The following GANAB variants were observed in gnomAD, a reference collection of about 807,000 sequenced individuals.
The protein encoded by GANAB is glucosidase II alpha subunit.
GANAB carries 35 observed loss-of-function variants against 129.9 expected under a neutral mutation model. The ratio of observed to expected loss-of-function variants is 0.27; its 90% CI spans 0.21 to 0.36. The LOEUF is 0.36. GANAB is among the 10% of genes least tolerant of loss of function. The pLI is 1.00. For synonymous variants in GANAB, 482 were observed against 451.8 expected (o/e 1.07, Z -0.85); for missense variants, 939 against 1,221.0 (o/e 0.77, Z 3.44).
At chr11:62,626,834 C>T (rs1430745713) in intron 20 of GANAB, 26 bp downstream of exon 20, 4 of 1,558,616 alleles carry the variant, frequency 2.6e-6, no homozygotes, top group Admixed American at 1.7e-5. Context: ...GGAGATGGAA[C>T]CGGCAGCCAG....
rs1029438243 is a variant in GANAB at position 62,632,914 on chromosome 11, G to A, written c.815+91C>T. 9 of 997,172 alleles carry A rather than the reference G, an allele frequency of 9.0e-6. No homozygotes were observed. In the Admixed American group the frequency reaches 1.4e-4, roughly 15 times the overall value. The allele number at this position is 997,172 out of a possible 1,614,324, so 61.8% of individuals were successfully genotyped here. On this transcript the variant is annotated intron_variant, in intron 8 of 23. Transcript: ENST00000356638. ...TGGACACAAGAAATGACCCATGCTT[G>A]CCTAGAGTATCCAATATGCACACCC...
At chr11:62,638,391 A>T (rs1442474014) in intron 4 of GANAB, among the ~76,000 whole-genome samples, 1 of 152,092 alleles carries the variant, frequency 6.6e-6, no homozygotes. Context: ...TGACCTCGTG[A>T]TCTGCCCACC....
chr11:62,631,308 A>G, intron 9 of GANAB, 125 bp from the exon 10 acceptor site: 1 of 805,750 alleles, frequency 1.2e-6, no homozygotes, highest in East Asian at 2.5e-5. Context: ...GCTTTCGGTA[A>G]GACTAAACGG....
At chr11:62,645,472 C>T (rs11231172) in intron 1 of GANAB, among the ~76,000 whole-genome samples, 33,056 of 149,806 alleles carry the variant, frequency 0.22, 4,154 homozygotes, top group Non-Finnish European at 0.3. Flanking sequence ...GGAGGCGGAG[C>T]TTGCAGTGAG....
chr11:62,642,031 G>C (rs1371850163), intron 1 of GANAB, among the ~76,000 whole-genome samples: 3 of 151,750 alleles, frequency 2.0e-5, no homozygotes, highest in Non-Finnish European at 2.9e-5. Flanking sequence ...GGCCAATATG[G>C]TGAAACCCCA....
chr11:62,630,995 A>C lies in GANAB; in HGVS notation c.1150+35T>G, dbSNP rs200612350. 130 of 1,581,310 alleles carry C rather than the reference A, an allele frequency of 8.2e-5. No homozygotes were observed. The East Asian group carries it at 2.9e-3, about 35-fold the overall frequency. On this transcript the variant is annotated intron_variant, in intron 10 of 23. Transcript: ENST00000356638. ...AACACATAGAATCACCCGACAAGAAAAGAGCAGAAGAATGAGGCAGGGAAA... is the reference window on the plus strand; with the variant it reads ...AACACATAGAATCACCCGACAAGAACAGAGCAGAAGAATGAGGCAGGGAAA...
At chr11:62,643,155 G>A (rs965486959) in intron 1 of GANAB, among the ~76,000 whole-genome samples, 1 of 152,152 alleles carries the variant, frequency 6.6e-6, no homozygotes, top group African/African-American at 2.4e-5. Flanking sequence ...TATTCATCCA[G>A]GATTCATCCT....
rs1228392347 is a variant in GANAB at position 62,629,827 on chromosome 11, T to C, written c.1724A>G (p.Tyr575Cys). The change falls in exon 14 of 24, where the codon TAT becomes TGT. Residue 575 changes from tyrosine (Y) to cysteine (C), a missense_variant. Physicochemically the swap from Tyr to Cys is radical, Grantham distance 194. Around this residue, in one of 5 missense-constraint regions of GANAB, gnomAD observed 147 missense variants for 282.4 expected, o/e 0.52. Coordinates refer to ENST00000356638, the MANE Select transcript of GANAB (RefSeq NM_198334.3). ...GWEHRDVHNI[Y>C]GLYVHMATAD... ...TCAGGCCCTTACCACATAAAGGCCATAGATGTTATGCACATCCCGGTGCTC... is the reference window on the plus strand; with the variant it reads ...TCAGGCCCTTACCACATAAAGGCCACAGATGTTATGCACATCCCGGTGCTC... 4.3e-6 allele frequency: 7 copies of C among 1,614,040 alleles called. No homozygotes were observed. Among genetic ancestry groups the C allele is most frequent in the Non-Finnish European group, 5.1e-6 (6 of 1,180,030 alleles).
intron 4 of GANAB, among the ~76,000 whole-genome samples, chr11:62,637,250 A>G (rs1210604022): frequency 6.6e-6 from 1 of 152,210 alleles, no homozygotes; most frequent in African/African-American, 2.4e-5. Flanking sequence ...ATCACTATCA[A>G]TTCACTAGGT....
chr11:62,627,972 C>T (rs556239866), intron 17 of GANAB, among the ~76,000 whole-genome samples: 1 of 152,334 alleles, frequency 6.6e-6, no homozygotes, highest in East Asian at 1.9e-4. Context: ...GCAACCCTGG[C>T]TTGCAAGGCC....
chr11:62,629,785 C>G, intron 14 of GANAB, 29 bp downstream of exon 14: 1 of 1,613,368 alleles, frequency 6.2e-7, no homozygotes. Context: ...TTCCCTCTTT[C>G]CACCAACTCT....
At chr11:62,637,136 T>C (rs769645621) in intron 4 of GANAB, among the ~76,000 whole-genome samples, 1 of 151,960 alleles carries the variant, frequency 6.6e-6, no homozygotes, top group Non-Finnish European at 1.5e-5. Context: ...TAAGGAAACA[T>C]GACAACTAAA....
At chr11:62,646,066 G>T (rs866215575) in intron 1 of GANAB, among the ~76,000 whole-genome samples, 2 of 152,238 alleles carry the variant, frequency 1.3e-5, no homozygotes, top group Admixed American at 1.3e-4. Context: ...TGGTGCTCAC[G>T]TGAAGACAAG....
At position 62,631,062 on chromosome 11, in the gene GANAB, G is replaced by A; in HGVS notation, c.1118C>T (p.Ser373Phe). Residue 373 changes from serine (S) to phenylalanine (F), a missense_variant, in exon 10 of 24, where the codon TCT becomes TTT. Coordinates refer to ENST00000356638, the MANE Select transcript of GANAB (RefSeq NM_198334.3). Reference sequence around the variant, plus strand: ...ACTAGCATATTGCCGGAAAACATCAGAGATGGAGGGCCCCAGCAGCAGGAA... The same window carrying A: ...ACTAGCATATTGCCGGAAAACATCAAAGATGGAGGGCCCCAGCAGCAGGAA... ...DVFLLLGPSI[S>F]DVFRQYASLT... is the part of the protein sequence containing the mutation. 1 of 1,610,604 alleles carries A rather than the reference G, an allele frequency of 6.2e-7. No individual in the cohort carries two copies. Among genetic ancestry groups the A allele is most frequent in the Non-Finnish European group, 8.5e-7 (1 of 1,177,012 alleles).
intron 4 of GANAB, among the ~76,000 whole-genome samples, chr11:62,637,084 AAAAAGG>A (rs1943979535): frequency 6.6e-6 from 1 of 152,178 alleles, no homozygotes; most frequent in South Asian, 2.1e-4. Context: ...GATCATTAAG[AAAAAGG>A]AAAAGTCTAA....
At chr11:62,632,420 T>C (rs1229887998) in intron 9 of GANAB, 145 bp downstream of exon 9, 3 of 652,580 alleles carry the variant, frequency 4.6e-6, no homozygotes, top group African/African-American at 1.8e-5. Flanking sequence ...CACCTGGGAG[T>C]GATTAGGGAA....
At chr11:62,628,284 T>G (rs975167272) in intron 17 of GANAB, among the ~76,000 whole-genome samples, 1 of 136,434 alleles carries the variant, frequency 7.3e-6, no homozygotes, top group African/African-American at 2.7e-5. Context: ...CAGAGCAATC[T>G]CGGCTCACTG....
Position 62,632,676 on chromosome 11 carries a change from C to A in GANAB, c.885G>T (p.Leu295Phe). ...CCAGGAGCACAGGCACAGACCCATACAAGGCCATTGGGTTGTACAGCTCAT... is the reference window on the plus strand; with the variant it reads ...CCAGGAGCACAGGCACAGACCCATAAAAGGCCATTGGGTTGTACAGCTCAT... The part of the protein sequence containing the change: ...FQYELYNPMA[L>F]YGSVPVLLAH... Residue 295 changes from leucine (L) to phenylalanine (F), a missense_variant, in exon 9 of 24, where the codon TTG becomes TTT. Around this residue, in one of 5 missense-constraint regions of GANAB, gnomAD observed 21 missense variants for 53.7 expected, o/e 0.39. Coordinates refer to ENST00000356638, the MANE Select transcript of GANAB (RefSeq NM_198334.3). The A allele has an allele frequency of 6.2e-7, 1 of 1,613,634 alleles. No individual in the cohort carries two copies. The highest frequency in any genetic ancestry group is 1.7e-5 in the Admixed American group (1 of 60,030).
At chr11:62,630,541 A>G in intron 11 of GANAB, 36 bp from the exon 12 acceptor site, 2 of 1,613,824 alleles carry the variant, frequency 1.2e-6, no homozygotes, top group South Asian at 2.2e-5. Flanking sequence ...AGGTCTCTTT[A>G]AGGCTAAACT....
Sources: allele counts gnomAD v4.1 joint callset (sites outside exome capture counted in the v4.1 genomes callset), GRCh38; gene constraint gnomAD v4.1.1; regional missense constraint gnomAD v4.1.1; transcripts MANE v1.5; gene names NCBI Gene and HGNC (gene_info 2026-07-23, HGNC 2026-07-21).